KLK6: variants seen among roughly 807,000 people sequenced by gnomAD.
KLK6 encodes the protein kallikrein related peptidase 6.
In KLK6, 16 loss-of-function variants were observed where a neutral mutation model predicts 21.7. The observed-to-expected ratio is 0.74, with a 90% confidence interval of 0.50 to 1.12. The LOEUF (loss-of-function observed/expected upper bound fraction) is 1.12, where lower values mean the gene tolerates loss of function less well. Among genes scored for constraint, KLK6 ranks in the 50% most tolerant of loss-of-function variants. The pLI is 0.00. For synonymous variants in KLK6, 116 were observed against 120.1 expected, an observed-to-expected ratio of 0.97 and a Z score of 0.22; for missense variants, 276 against 304.6, an observed-to-expected ratio of 0.91 and a Z score of 0.70.
chr19:50,967,511 C>CACACACACACACA (rs1555781647), intron 3 of KLK6, among the ~76,000 whole-genome samples, 186 bp from the exon 4 acceptor site: 1 of 125,478 alleles, frequency 8.0e-6, no homozygotes, highest in Admixed American at 8.0e-5. Context: ...GACCTCATCT[C>CACACACACACACA]CACACACACA....
chr19:50,961,380 C>T (rs529003650), intron 6 of KLK6, among the ~76,000 whole-genome samples: 1 of 151,382 alleles, frequency 6.6e-6, no homozygotes, highest in Non-Finnish European at 1.5e-5. Flanking sequence ...CCATGTTGAT[C>T]AGGCTGGTCT....
chr19:50,960,922 C>T (rs374080744), intron 6 of KLK6, among the ~76,000 whole-genome samples: 4 of 152,106 alleles, frequency 2.6e-5, no homozygotes, highest in South Asian at 4.1e-4. Context: ...CCTGCCACCA[C>T]GCCCAGCTAA....
At chr19:50,969,313 G>T (rs540845587) in intron 1 of KLK6, among the ~76,000 whole-genome samples, 177 bp downstream of exon 1, 1 of 152,118 alleles carries the variant, frequency 6.6e-6, no homozygotes, top group Non-Finnish European at 1.5e-5. Flanking sequence ...GAGAAAGAAA[G>T]TGTCTGAAGA....
Position 50,959,281 on chromosome 19 carries a change from G to T in KLK6, c.618C>A (p.His206Gln), listed in dbSNP as rs140188353. ...TACCCCATGACACAAGGCCTCGGAGGTGGTCTCCACATACCAGCGGACCCC... is the reference window on the plus strand; with the variant it reads ...TACCCCATGACACAAGGCCTCGGAGTTGGTCTCCACATACCAGCGGACCCC... ...DSGGPLVCGD[H>Q]LRGLVSWGNI... The change falls in exon 7 of 7, where the codon CAC (histidine) becomes CAA (glutamine). Residue 206 changes from histidine (H) to glutamine (Q), a missense_variant. His to Gln is a conservative substitution (Grantham distance 24). Transcript: ENST00000310157. The T allele has an allele frequency of 1.7e-5, 28 of 1,613,842 alleles. No homozygotes were observed. In the African/African-American group the frequency reaches 3.5e-4, roughly 20 times the overall value.
chr19:50,959,072 C>T lies in KLK6; in HGVS notation c.*92G>A. 1 of 1,376,260 alleles carries T rather than the reference C, an allele frequency of 7.3e-7. No individual in the cohort carries two copies. Among genetic ancestry groups the T allele is most frequent in the Admixed American group, 1.7e-5 (1 of 57,872 alleles). The allele number at this position is 1,376,260 out of a possible 1,614,324, so 85.3% of individuals were successfully genotyped here. A position where few individuals can be genotyped will look rare whatever the true frequency, so the allele number is the denominator to read the frequency against. On this transcript the variant is annotated 3_prime_UTR_variant, in exon 7 of 7. Coordinates refer to ENST00000310157, the MANE Select transcript of KLK6 (RefSeq NM_002774.4). ...ATTAAGCATCAGGGTCAGAGCTGGG[C>T]AGGAGAGGAGGGGAGGCAAGGTCTA...
chr19:50,959,486 A>G (rs995158235), intron 6 of KLK6, among the ~76,000 whole-genome samples, 170 bp from the exon 7 acceptor site: 4 of 150,298 alleles, frequency 2.7e-5, no homozygotes, highest in Non-Finnish European at 3.0e-5. Flanking sequence ...AGAGACAGAG[A>G]GAGAGACAGT....
intron 4 of KLK6, chr19:50,963,751 A>C (rs929022114): frequency 9.9e-6 from 6 of 607,458 alleles, no homozygotes; most frequent in African/African-American, 1.9e-5. Context: ...CAAGCTGTCC[A>C]GAATTCCTTT....
At chr19:50,968,231 C>T in intron 2 of KLK6, 119 bp from the exon 3 acceptor site, 2 of 879,510 alleles carry the variant, frequency 2.3e-6, no homozygotes, top group Non-Finnish European at 3.9e-6. Flanking sequence ...CTGCCTTGAC[C>T]TCTGTCCTTC....
chr19:50,968,078 A>G lies in KLK6; in HGVS notation c.27T>C (p.Ser9=), dbSNP rs2090955477. The part of the protein sequence containing the change: MKKLMVVL[S]LIAAAWAEEQ... ...CCCTTTCCCCACCTGCAGCAATCAG[A>G]CTCAGCACCACCATCAGCTTCTTCA... Residue 9 remains serine, a synonymous_variant, in exon 3 of 7, where the codon AGT becomes AGC. Coordinates refer to ENST00000310157, the MANE Select transcript of KLK6 (RefSeq NM_002774.4). The G allele has an allele frequency of 6.2e-7, 1 of 1,613,610 alleles. No individual in the cohort carries two copies. Among genetic ancestry groups the G allele is most frequent in the Non-Finnish European group, 8.5e-7 (1 of 1,179,960 alleles).
rs748970718 is a variant in KLK6 at position 50,961,893 on chromosome 19, A to C, written c.446-13T>G. ...TCAGGGAAATCACCTGTTAGGGGAG[A>C]GATGGGCCAGACTCAGCCCAGGCCT... On this transcript the variant is annotated splice_polypyrimidine_tract_variant and intron_variant, in intron 5 of 6. Transcript: ENST00000310157. 6.2e-7 allele frequency: 1 copy of C among 1,611,558 alleles called. No homozygotes were observed. The highest frequency in any genetic ancestry group is 1.1e-5 in the South Asian group (1 of 90,738).
At position 50,963,683 on chromosome 19, in the gene KLK6, T is replaced by C. The variant is rs1320938623; in HGVS notation, c.198-134A>G. The C allele has an allele frequency of 4.2e-6, 4 of 959,608 alleles. No homozygotes were observed. In the African/African-American group the frequency reaches 4.9e-5, roughly 12 times the overall value. 59.4% of individuals were successfully genotyped at this position (959,608 alleles called of 1,614,324 possible). A position where few individuals can be genotyped will look rare whatever the true frequency, so the allele number is the denominator to read the frequency against. ...CCCAGCTGGGTAAATGGCAATTCCA[T>C]CCTTTCAGAATAATCTTGGGGGCTA... On this transcript the variant is annotated intron_variant, in intron 4 of 6. Coordinates refer to ENST00000310157, the MANE Select transcript of KLK6 (RefSeq NM_002774.4).
chr19:50,964,613 G>C (rs2090896875), intron 4 of KLK6, among the ~76,000 whole-genome samples: 1 of 152,198 alleles, frequency 6.6e-6, no homozygotes, highest in Non-Finnish European at 1.5e-5. Flanking sequence ...AGACAGTGCA[G>C]CTCTAGGATG....
At chr19:50,961,692 G>A in intron 6 of KLK6, 52 bp downstream of exon 6, 1 of 1,586,202 alleles carries the variant, frequency 6.3e-7, no homozygotes. Context: ...CCATGTTTTT[G>A]TGACTTCGTC....
rs766994644 is a variant in KLK6 at position 50,968,045 on chromosome 19, T to G, written c.40+20A>C. The G allele has an allele frequency of 3.1e-6, 5 of 1,587,518 alleles. No individual in the cohort carries two copies. The South Asian group carries it at 5.5e-5, about 18-fold the overall frequency. On this transcript the variant is annotated intron_variant, in intron 3 of 6. Transcript: ENST00000310157. Reference sequence around the variant, plus strand: ...CAACCCTGTCTGCAAGCCTCCCCCATCCAAATGCCCTTTCCCCACCTGCAG... The same window carrying G: ...CAACCCTGTCTGCAAGCCTCCCCCAGCCAAATGCCCTTTCCCCACCTGCAG...
intron 4 of KLK6, 79 bp from the exon 5 acceptor site, chr19:50,963,628 A>G (rs1447853218): frequency 6.5e-7 from 1 of 1,546,704 alleles, no homozygotes; most frequent in Non-Finnish European, 8.8e-7. Flanking sequence ...GGAAGTCATG[A>G]ATCGCTGGCC....
intron 4 of KLK6, 143 bp downstream of exon 4, chr19:50,967,026 A>G (rs143519627): frequency 9.5e-5 from 78 of 819,696 alleles, no homozygotes; most frequent in African/African-American, 8.4e-4. Flanking sequence ...TAAGTACTCA[A>G]TTAAGCAACA....
intron 6 of KLK6, among the ~76,000 whole-genome samples, chr19:50,960,231 A>C (rs2090820342): frequency 6.6e-6 from 1 of 151,562 alleles, no homozygotes; most frequent in Non-Finnish European, 1.5e-5. Flanking sequence ...CTGTCCAGGG[A>C]CACCTCTCCA....
At chr19:50,967,511 CCACA>C (rs146062864) in intron 3 of KLK6, among the ~76,000 whole-genome samples, 186 bp from the exon 4 acceptor site, 349 of 125,556 alleles carry the variant, frequency 2.8e-3, no homozygotes, top group African/African-American at 7.9e-3. Context: ...GACCTCATCT[CCACA>C]CACACACACA....
In KLK6 at chr19:50,961,850, T is replaced by G; in HGVS notation, c.476A>C (p.Tyr159Ser). The G allele has an allele frequency of 6.2e-7, 1 of 1,613,990 alleles. No homozygotes were observed. Among genetic ancestry groups the G allele is most frequent in the Non-Finnish European group, 8.5e-7 (1 of 1,179,898 alleles). ...GDFPDTIQCA[Y>S]IHLVSREECE... ...CTCCTCACGGGACACCAGGTGGATG[T>G]ATGCACACTGGATGGTGTCAGGGAA... The change falls in exon 6 of 7, where the codon TAC becomes TCC. Residue 159 changes from tyrosine to serine, a missense_variant. Physicochemically the swap from Tyr to Ser is moderately radical, Grantham distance 144. Transcript: ENST00000310157.
Sources: allele counts gnomAD v4.1 joint callset (sites outside exome capture counted in the v4.1 genomes callset), GRCh38; gene constraint gnomAD v4.1.1; transcripts MANE v1.5; gene names NCBI Gene and HGNC (gene_info 2026-07-23, HGNC 2026-07-21).